SLC5A11: variants seen among roughly 807,000 people sequenced by gnomAD.
SLC5A11 encodes the protein sodium/myo-inositol cotransporter 2.
In SLC5A11, 48 loss-of-function variants were observed where a neutral mutation model predicts 69.8. The observed-to-expected ratio is 0.69, with a 90% confidence interval of 0.55 to 0.87. The LOEUF (loss-of-function observed/expected upper bound fraction) is 0.87, where lower values mean the gene tolerates loss of function less well. Among genes scored for constraint, SLC5A11 ranks in the 40% least tolerant of loss-of-function variants. The pLI, the probability that SLC5A11 is intolerant of heterozygous loss-of-function variation, is 0.00. For synonymous variants in SLC5A11, 319 were observed against 342.4 expected (o/e 0.93, Z 0.75); for missense variants, 784 against 866.1 (o/e 0.91, Z 1.19).
At chr16:24,882,098 T>C (rs1384423958) in intron 7 of SLC5A11, among the ~76,000 whole-genome samples, 1 of 152,122 alleles carries the variant, frequency 6.6e-6, no homozygotes, top group Non-Finnish European at 1.5e-5. Context: ...TTGGTGTTCC[T>C]TGTTTGGAGG....
At chr16:24,849,692 T>C (rs2059216778) in intron 1 of SLC5A11, among the ~76,000 whole-genome samples, 1 of 147,702 alleles carries the variant, frequency 6.8e-6, no homozygotes, top group African/African-American at 2.5e-5. Context: ...GTGATGTCTA[T>C]TCTCTCTGGA....
exon 2 of SLC5A11, chr16:24,858,703 C>G (rs1351122904): frequency 1.9e-6 from 3 of 1,611,730 alleles, no homozygotes; most frequent in Non-Finnish European, 2.5e-6. Flanking sequence ...ATGCGTTTCC[C>G]CAGAAGGGCT....
chr16:24,870,937 G>T (rs1023816439), intron 4 of SLC5A11, among the ~76,000 whole-genome samples: 1 of 151,992 alleles, frequency 6.6e-6, no homozygotes, highest in African/African-American at 2.4e-5. Context: ...AGTAGTTTTT[G>T]ACTTTGTTTG....
chr16:24,879,068 A>G (rs1157062797), intron 7 of SLC5A11, among the ~76,000 whole-genome samples: 1 of 152,166 alleles, frequency 6.6e-6, no homozygotes, highest in African/African-American at 2.4e-5. Flanking sequence ...AGTGTATATT[A>G]TTATAACCTG....
chr16:24,876,486 T>C (rs756395692), intron 6 of SLC5A11, among the ~76,000 whole-genome samples: 3 of 152,212 alleles, frequency 2.0e-5, no homozygotes, highest in Non-Finnish European at 4.4e-5. Context: ...ACAGGTGTAT[T>C]GCAACCTCCA....
intron 1 of SLC5A11, among the ~76,000 whole-genome samples, chr16:24,853,572 A>T (rs1035314372): frequency 6.6e-6 from 1 of 152,164 alleles, no homozygotes; most frequent in East Asian, 1.9e-4. Flanking sequence ...AGCCAGAGGG[A>T]GGGAAAGAGA....
chr16:24,886,910 G>T (rs1332953728), intron 8 of SLC5A11, among the ~76,000 whole-genome samples: 2 of 152,174 alleles, frequency 1.3e-5, no homozygotes, highest in African/African-American at 4.8e-5. Context: ...CGAGGCTGCA[G>T]TGAGCTATTA....
chr16:24,849,589 A>ATACATATATATATATAT (rs60706405), intron 1 of SLC5A11, among the ~76,000 whole-genome samples: 4 of 63,770 alleles, frequency 6.3e-5, no homozygotes, highest in Non-Finnish European at 9.9e-5. Context: ...AAAAAAAAAA[A>ATACATATATATATATAT]AAAAATATAT....
exon 4 of SLC5A11, chr16:24,869,973 A>G (rs779253537): frequency 6.2e-7 from 1 of 1,614,050 alleles, no homozygotes; most frequent in Non-Finnish European, 8.5e-7. Flanking sequence ...AGGTGCTGCT[A>G]CGGGCATTTC....
intron 1 of SLC5A11, among the ~76,000 whole-genome samples, chr16:24,856,480 G>A (rs748782526): frequency 6.6e-6 from 1 of 151,418 alleles, no homozygotes; most frequent in Non-Finnish European, 1.5e-5. Flanking sequence ...TAGGCCGGGC[G>A]CAGTGGCTCA....
At chr16:24,860,575 T>C (rs2059725100) in intron 2 of SLC5A11, among the ~76,000 whole-genome samples, 1 of 152,202 alleles carries the variant, frequency 6.6e-6, no homozygotes, top group Non-Finnish European at 1.5e-5. Flanking sequence ...TACTAGTTTG[T>C]GTCAAATTGC....
At chr16:24,888,083 A>G (rs12927084) in intron 8 of SLC5A11, among the ~76,000 whole-genome samples, 59,277 of 151,996 alleles carry the variant, frequency 0.39, 12,859 homozygotes, top group Non-Finnish European at 0.49. Context: ...TCATGAATGT[A>G]TCTTTTTCCA....
chr16:24,864,513 T>A (rs763818353), intron 3 of SLC5A11, among the ~76,000 whole-genome samples: 1 of 151,174 alleles, frequency 6.6e-6, no homozygotes, highest in African/African-American at 2.4e-5. Context: ...CCCTGAAGAG[T>A]CAGGAATTAT....
chr16:24,866,611 A>C (rs1207147295), intron 3 of SLC5A11, among the ~76,000 whole-genome samples: 2 of 152,152 alleles, frequency 1.3e-5, no homozygotes, highest in African/African-American at 4.8e-5. Flanking sequence ...ACTGAAAGTA[A>C]AAGTAAAAGG....
intron 8 of SLC5A11, among the ~76,000 whole-genome samples, chr16:24,888,206 A>AC (rs1351777918): frequency 3.4e-4 from 52 of 152,278 alleles, no homozygotes; most frequent in South Asian, 1.2e-3. Context: ...CCCAAAAATT[A>AC]AACTCATTAG....
At chr16:24,900,744 C>T (rs574761412) in intron 10 of SLC5A11, among the ~76,000 whole-genome samples, 6 of 152,006 alleles carry the variant, frequency 3.9e-5, no homozygotes, top group Non-Finnish European at 7.4e-5. Context: ...CAGACCCGCT[C>T]TCTACCAAAA....
chr16:24,854,179 C>A (rs1006184436), intron 1 of SLC5A11, among the ~76,000 whole-genome samples: 1 of 152,222 alleles, frequency 6.6e-6, no homozygotes. Context: ...ACCAGGCAGC[C>A]GCCGCCCCTC....
intron 2 of SLC5A11, among the ~76,000 whole-genome samples, chr16:24,861,689 G>C (rs1187395333): frequency 7.2e-6 from 1 of 138,480 alleles, no homozygotes; most frequent in Non-Finnish European, 1.5e-5. Context: ...AGGGAGGGAG[G>C]AAGGAAGGGA....
intron 1 of SLC5A11, among the ~76,000 whole-genome samples, chr16:24,856,004 C>A (rs1270078702): frequency 6.6e-6 from 1 of 152,194 alleles, no homozygotes; most frequent in Non-Finnish European, 1.5e-5. Flanking sequence ...CAAGGCTGCC[C>A]CCTGTCTGAT....
Sources: allele counts gnomAD v4.1 joint callset (sites outside exome capture counted in the v4.1 genomes callset), GRCh38; gene constraint gnomAD v4.1.1; transcripts MANE v1.5; gene names NCBI Gene and HGNC (gene_info 2026-07-23, HGNC 2026-07-21).